Variants in PRKN observed in about 807,000 individuals in gnomAD.
PRKN encodes the protein E3 ubiquitin-protein ligase parkin.
Under a neutral mutation model 59.5 loss-of-function variants are expected in PRKN, and 56 were observed. That is an observed-to-expected ratio of 0.94 (90% confidence interval 0.76 to 1.18). The LOEUF (loss-of-function observed/expected upper bound fraction) is 1.18. Among genes scored for constraint, PRKN ranks in the 50% most tolerant of loss-of-function variants. PRKN has a pLI of 0.00. For synonymous variants in PRKN, 250 were observed against 222.1 expected, an observed-to-expected ratio of 1.13 and a Z score of -1.12; for missense variants, 657 against 596.4, an observed-to-expected ratio of 1.10 and a Z score of -1.06.
Position 161,373,591 on chromosome 6 carries a change from C to T in PRKN, c.1167+13203G>A, listed in dbSNP as rs547949776. Among the ~76,000 whole-genome samples the T allele has an allele frequency of 7.1e-6, 1 of 139,872 alleles. No homozygotes were observed. Among genetic ancestry groups the T allele is most frequent in the South Asian group, 2.3e-4 (1 of 4,284 alleles). The allele number at this position is 139,872 out of a possible 152,430, so 91.8% of individuals were successfully genotyped here. A position where few individuals can be genotyped will look rare whatever the true frequency, so the allele number is the denominator to read the frequency against. On this transcript the variant is annotated intron_variant, in intron 10 of 11. Transcript: ENST00000366898. This position sits in a 1 kb window ranked among gnomAD's most constrained non-coding sequence, Gnocchi z 4.8. ...AGTTTAAATGTGCTATACCTCTGTG[C>T]TTTGCAGGGGTGATGAGTTAAATGG...
At chr6:161,606,795 T>C (rs1285828344) in intron 7 of PRKN, among the ~76,000 whole-genome samples, 5 of 152,018 alleles carry the variant, frequency 3.3e-5, no homozygotes, top group Non-Finnish European at 7.4e-5. Context: ...TGAGAATAAG[T>C]ACTTGAAAAT....
intron 1 of PRKN, among the ~76,000 whole-genome samples, chr6:162,702,429 A>T (rs1394847480): frequency 1.3e-5 from 2 of 152,126 alleles, no homozygotes; most frequent in Non-Finnish European, 2.9e-5. Flanking sequence ...GATACACACA[A>T]AAGCTTCCAT....
intron 7 of PRKN, among the ~76,000 whole-genome samples, chr6:161,747,286 G>A (rs1263722300): frequency 6.6e-6 from 1 of 152,030 alleles, no homozygotes; most frequent in Non-Finnish European, 1.5e-5. Context: ...TCTGTGACAG[G>A]GTAATGAAAA....
chr6:161,482,377 C>G (rs1448871239), intron 9 of PRKN, among the ~76,000 whole-genome samples: 5 of 152,114 alleles, frequency 3.3e-5, no homozygotes, highest in African/African-American at 9.7e-5. Flanking sequence ...AAACAATCTC[C>G]CTCAGGAAGC....
At chr6:162,639,588 C>A (rs1458958023) in intron 1 of PRKN, among the ~76,000 whole-genome samples, 2 of 152,108 alleles carry the variant, frequency 1.3e-5, no homozygotes, top group Non-Finnish European at 2.9e-5. Context: ...AAAATCTGTA[C>A]ATTCACCCCT....
At chr6:162,247,215 T>C (rs1409830786) in intron 3 of PRKN, among the ~76,000 whole-genome samples, 2 of 152,138 alleles carry the variant, frequency 1.3e-5, no homozygotes, top group African/African-American at 4.8e-5. Flanking sequence ...TGAATACAAG[T>C]TATAATCGGA....
chr6:162,406,625 T>C (rs190841608), intron 2 of PRKN, among the ~76,000 whole-genome samples: 1 of 152,264 alleles, frequency 6.6e-6, no homozygotes, highest in African/African-American at 2.4e-5. Flanking sequence ...CTCCAGTGAA[T>C]AAACACAGAC....
intron 5 of PRKN, among the ~76,000 whole-genome samples, chr6:161,985,734 C>T (rs1781410215): frequency 6.6e-6 from 1 of 152,190 alleles, no homozygotes; most frequent in South Asian, 2.1e-4. Context: ...CCGAGCAAGG[C>T]CTTGTAGACT....
chr6:161,963,857 T>C (rs1343880981), intron 6 of PRKN, among the ~76,000 whole-genome samples: 1 of 152,252 alleles, frequency 6.6e-6, no homozygotes, highest in Admixed American at 6.5e-5. Context: ...CACACTGGCA[T>C]GTCAGTCAAT....
chr6:161,908,843 A>G (rs931987152), intron 6 of PRKN, among the ~76,000 whole-genome samples: 12 of 152,266 alleles, frequency 7.9e-5, no homozygotes, highest in African/African-American at 2.2e-4. Flanking sequence ...GAAAAATATA[A>G]ACTGTAACTC....
chr6:162,472,127 C>G (rs907092962), intron 1 of PRKN, among the ~76,000 whole-genome samples: 1 of 152,120 alleles, frequency 6.6e-6, no homozygotes, highest in African/African-American at 2.4e-5. Flanking sequence ...CTTAATGAAT[C>G]CTTATTGATC....
chr6:162,046,396 A>G (rs939201575), intron 5 of PRKN, among the ~76,000 whole-genome samples: 4 of 152,248 alleles, frequency 2.6e-5, no homozygotes, highest in South Asian at 2.1e-4. Flanking sequence ...CATCAAGTGT[A>G]AAAAACAGCT....
At chr6:162,456,013 T>C (rs187629674) in intron 1 of PRKN, among the ~76,000 whole-genome samples, 1 of 152,248 alleles carries the variant, frequency 6.6e-6, no homozygotes, top group Admixed American at 6.5e-5. Flanking sequence ...TCAAATTCTT[T>C]ATTTTCAACA....
chr6:162,496,284 T>C (rs1224488032), intron 1 of PRKN, among the ~76,000 whole-genome samples: 1 of 152,152 alleles, frequency 6.6e-6, no homozygotes, highest in African/African-American at 2.4e-5. Flanking sequence ...AAATGATTGA[T>C]TGTAGAGAAT....
chr6:161,901,064 T>C (rs978715757), intron 6 of PRKN, among the ~76,000 whole-genome samples: 5 of 151,422 alleles, frequency 3.3e-5, no homozygotes, highest in African/African-American at 1.2e-4. Context: ...TACAGGCACA[T>C]GCCAGGACGC....
intron 5 of PRKN, among the ~76,000 whole-genome samples, chr6:162,031,538 C>CTT (rs57437847): frequency 0.17 from 23,419 of 141,118 alleles, 2,600 homozygotes; most frequent in African/African-American, 0.31. Context: ...TTTTCTTTTT[C>CTT]TTTTTTTTTT....
At chr6:162,380,460 CATATATATGTGTGTATATATATGT>C (rs1786394017) in intron 2 of PRKN, among the ~76,000 whole-genome samples, 2 of 61,422 alleles carry the variant, frequency 3.3e-5, no homozygotes, top group African/African-American at 2.0e-4. Context: ...TATATACACA[CATATATATGTGTGTATATATATGT>C]ATATATACAC....
At chr6:162,218,606 G>A (rs1182696577) in intron 3 of PRKN, among the ~76,000 whole-genome samples, 1 of 152,116 alleles carries the variant, frequency 6.6e-6, no homozygotes, top group Non-Finnish European at 1.5e-5. Context: ...AGCAAAATAT[G>A]GAAACCATTC....
At chr6:162,302,309 T>C (rs530871447) in intron 2 of PRKN, among the ~76,000 whole-genome samples, 58 of 150,652 alleles carry the variant, frequency 3.8e-4, no homozygotes, top group Non-Finnish European at 7.6e-4. Flanking sequence ...GGATGGTATG[T>C]CACTCTTATT....
Sources: allele counts gnomAD v4.1 joint callset (sites outside exome capture counted in the v4.1 genomes callset), GRCh38; gene constraint gnomAD v4.1.1; non-coding constraint Gnocchi (gnomAD v3.1); transcripts MANE v1.5; gene names NCBI Gene and HGNC (gene_info 2026-07-23, HGNC 2026-07-21).